Variants in CEP85L observed in about 807,000 individuals in gnomAD.
CEP85L encodes centrosomal protein 85L.
Under a neutral mutation model 100.3 loss-of-function variants are expected in CEP85L, and 60 were observed. The observed-to-expected ratio is 0.60, with a 90% CI of 0.49 to 0.74. The LOEUF (loss-of-function observed/expected upper bound fraction) is 0.74. Ranked by LOEUF, CEP85L falls within the 30% of genes least tolerant of loss-of-function variation. The pLI, the probability that CEP85L is intolerant of heterozygous loss-of-function variation, is 0.00. For synonymous variants in CEP85L, 319 were observed against 322.7 expected (o/e 0.99, Z 0.12); for missense variants, 973 against 936.2 (o/e 1.04, Z -0.51).
At chr6:118,633,439 C>T (rs953182031) in intron 1 of CEP85L, among the ~76,000 whole-genome samples, 2 of 152,102 alleles carry the variant, frequency 1.3e-5, no homozygotes, top group Non-Finnish European at 2.9e-5. Flanking sequence ...CTCCTGACCT[C>T]GTGATCCACC....
At chr6:118,609,578 T>C (rs1315644423) in intron 2 of CEP85L, among the ~76,000 whole-genome samples, 1 of 152,120 alleles carries the variant, frequency 6.6e-6, no homozygotes, top group African/African-American at 2.4e-5. Flanking sequence ...TATACAGACA[T>C]ATATTCCCTC....
rs117688474 is a variant in CEP85L, at chr6:118,471,889, G to A, written c.1915-1245C>T. On this transcript the variant is annotated intron_variant, in intron 10 of 12. Coordinates refer to ENST00000368491, the MANE Select transcript of CEP85L (RefSeq NM_001042475.3). Reference sequence around the variant, plus strand: ...TCTTATTTGATTAAATGAACATGGAGAGTTATTTACCTAGCTGAAGATCTA... The same window carrying A: ...TCTTATTTGATTAAATGAACATGGAAAGTTATTTACCTAGCTGAAGATCTA... 5.7e-3 allele frequency among the ~76,000 whole-genome samples: 858 copies of A among 151,700 alleles called. 5 individuals are homozygous for A. Among genetic ancestry groups the A allele is most frequent in the Non-Finnish European group, 9.8e-3 (666 of 67,804 alleles).
intron 9 of CEP85L, 91 bp from the exon 10 acceptor site, chr6:118,480,012 A>G: frequency 1.4e-6 from 1 of 708,962 alleles, no homozygotes; most frequent in South Asian, 2.0e-5. Flanking sequence ...AGAAATTTAT[A>G]AATTTATTTT....
chr6:118,577,609 T>C (rs1398577268), intron 2 of CEP85L, among the ~76,000 whole-genome samples: 2 of 152,162 alleles, frequency 1.3e-5, no homozygotes, highest in Non-Finnish European at 2.9e-5. Flanking sequence ...AGGAATGCCA[T>C]TAAAGGAACA....
At chr6:118,494,673 G>A (rs1287684292) in intron 5 of CEP85L, among the ~76,000 whole-genome samples, 1 of 152,078 alleles carries the variant, frequency 6.6e-6, no homozygotes, top group Admixed American at 6.6e-5. Context: ...CTAAACACAG[G>A]ACTATAGAAT....
At position 118,511,496 on chromosome 6, in the gene CEP85L, A is replaced by G; in HGVS notation, c.1140-81T>C. 3 of 818,124 alleles carry G rather than the reference A, an allele frequency of 3.7e-6. No homozygotes were observed. In the South Asian group the frequency reaches 4.9e-5, roughly 13 times the overall value. 50.7% of individuals were successfully genotyped at this position (818,124 alleles called of 1,614,324 possible). A position where few individuals can be genotyped will look rare whatever the true frequency, so the allele number is the denominator to read the frequency against. On this transcript the variant is annotated intron_variant, in intron 4 of 12. Transcript: ENST00000368491. ...GAACCTTAAGGAGCTTATTCCTCTTAGATTCCTTTAATATTCCTCTTAGAT... is the reference window on the plus strand; with the variant it reads ...GAACCTTAAGGAGCTTATTCCTCTTGGATTCCTTTAATATTCCTCTTAGAT...
intron 3 of CEP85L, among the ~76,000 whole-genome samples, chr6:118,553,249 GT>G (rs1778659184): frequency 6.7e-6 from 1 of 148,286 alleles, no homozygotes; most frequent in Admixed American, 6.7e-5. Context: ...TCATACAGTG[GT>G]TGTCAGTGCA....
intron 1 of CEP85L, among the ~76,000 whole-genome samples, chr6:118,635,489 A>G (rs149937677): frequency 1.2e-4 from 19 of 152,290 alleles, no homozygotes; most frequent in African/African-American, 4.6e-4. Context: ...AGGAACATTT[A>G]CTCCATCATT....
At chr6:118,697,288 A>C (rs1777246255) in intron 1 of CEP85L, among the ~76,000 whole-genome samples, 1 of 152,208 alleles carries the variant, frequency 6.6e-6, no homozygotes, top group African/African-American at 2.4e-5. Context: ...TCACACTTAT[A>C]TGAATCCCAA....
At chr6:118,701,492 T>C (rs1440429261) in intron 1 of CEP85L, among the ~76,000 whole-genome samples, 1 of 152,212 alleles carries the variant, frequency 6.6e-6, no homozygotes, top group Non-Finnish European at 1.5e-5. Flanking sequence ...ATGCAGTTTA[T>C]GGTCATTATC....
intron 2 of CEP85L, among the ~76,000 whole-genome samples, chr6:118,614,899 G>GATAGAT (rs1772922406): frequency 6.6e-6 from 1 of 151,484 alleles, no homozygotes; most frequent in Non-Finnish European, 1.5e-5. Flanking sequence ...TAGATAGATA[G>GATAGAT]ATAGATAGAT....
intron 1 of CEP85L, among the ~76,000 whole-genome samples, chr6:118,689,630 C>T (rs1459129578): frequency 6.6e-6 from 1 of 152,222 alleles, no homozygotes; most frequent in Non-Finnish European, 1.5e-5. Flanking sequence ...ATCTCCTCTT[C>T]ATTACTAAAC....
At chr6:118,489,587 T>C (rs566706029) in intron 6 of CEP85L, among the ~76,000 whole-genome samples, 1 of 152,084 alleles carries the variant, frequency 6.6e-6, no homozygotes, top group African/African-American at 2.4e-5. Flanking sequence ...AAAATGCAAA[T>C]CAAAACCATC....
At chr6:118,663,388 A>G (rs1028900300) in intron 1 of CEP85L, among the ~76,000 whole-genome samples, 6 of 152,254 alleles carry the variant, frequency 3.9e-5, no homozygotes, top group Non-Finnish European at 5.9e-5. Context: ...CTAAAATTTT[A>G]ACAATAGAAA....
chr6:118,511,187 C>A, intron 5 of CEP85L, 111 bp downstream of exon 5: 1 of 714,134 alleles, frequency 1.4e-6, no homozygotes, highest in South Asian at 1.8e-5. Context: ...AAATATAAAT[C>A]ATGTGAATAC....
chr6:118,675,898 G>A (rs776061908), intron 1 of CEP85L, among the ~76,000 whole-genome samples: 10 of 152,216 alleles, frequency 6.6e-5, no homozygotes, highest in East Asian at 1.9e-4. Flanking sequence ...AATGGAAGAC[G>A]ATGATGGATC....
chr6:118,598,991 T>C (rs1781589570), intron 2 of CEP85L, among the ~76,000 whole-genome samples: 1 of 152,224 alleles, frequency 6.6e-6, no homozygotes, highest in Non-Finnish European at 1.5e-5. Flanking sequence ...AAGGAACTCA[T>C]GTTTGGCTCA....
At chr6:118,685,435 ATTTACGT>A (rs1030762881) in intron 1 of CEP85L, among the ~76,000 whole-genome samples, 9 of 152,334 alleles carry the variant, frequency 5.9e-5, no homozygotes, top group Non-Finnish European at 1.3e-4. Flanking sequence ...CAACAAAAGT[ATTTACGT>A]TGATATAAAT....
chr6:118,707,971 G>C (rs370737156), intron 1 of CEP85L, among the ~76,000 whole-genome samples: 85 of 145,078 alleles, frequency 5.9e-4, no homozygotes, highest in African/African-American at 1.9e-3. Context: ...TTGCTTTTTT[G>C]GGGGGGGGAC....
Sources: allele counts gnomAD v4.1 joint callset (sites outside exome capture counted in the v4.1 genomes callset), GRCh38; gene constraint gnomAD v4.1.1; transcripts MANE v1.5; gene names NCBI Gene and HGNC (gene_info 2026-07-23, HGNC 2026-07-21).